Variants in NAV3 observed in about 807,000 individuals in gnomAD.
The protein encoded by NAV3 is neuron navigator 3.
Under a neutral mutation model 244.7 loss-of-function variants are expected in NAV3, and 87 were observed. The ratio of observed to expected loss-of-function variants is 0.36; its 90% CI spans 0.30 to 0.42. NAV3 has a LOEUF of 0.42. NAV3 is among the 20% of genes least tolerant of loss of function. The pLI is 1.00. For missense variants in NAV3, 2,663 were observed against 2,893.3 expected, an observed-to-expected ratio of 0.92 and a Z score of 1.83; for synonymous variants, 1,126 against 1,042.2, an observed-to-expected ratio of 1.08 and a Z score of -1.55.
intron 1 of NAV3, among the ~76,000 whole-genome samples, chr12:77,858,453 A>G (rs1470023412): frequency 6.6e-6 from 1 of 152,112 alleles, no homozygotes; most frequent in East Asian, 1.9e-4. Flanking sequence ...GCATATAACC[A>G]CCAACTTAAA....
intron 2 of NAV3, among the ~76,000 whole-genome samples, chr12:77,740,374 A>T (rs1050001327): frequency 2.0e-5 from 3 of 152,104 alleles, no homozygotes; most frequent in Admixed American, 6.6e-5. Flanking sequence ...TGCAACAGAG[A>T]AAAGGGCAAT....
At chr12:78,197,794 G>A (rs1364343769) in intron 35 of NAV3, among the ~76,000 whole-genome samples, 1 of 151,874 alleles carries the variant, frequency 6.6e-6, no homozygotes, top group Non-Finnish European at 1.5e-5. Flanking sequence ...GATGATGTTA[G>A]CTTCTGCAGA....
chr12:77,866,489 C>T (rs556343717), intron 1 of NAV3, among the ~76,000 whole-genome samples: 2 of 152,274 alleles, frequency 1.3e-5, no homozygotes, highest in Admixed American at 1.3e-4. Context: ...GATCCAGCCA[C>T]CAAACATTTC....
Position 78,007,014 on chromosome 12 carries a change from A to G in NAV3, c.1476A>G (p.Thr492=), listed in dbSNP as rs768411330. 1 of 1,614,172 alleles carries G rather than the reference A, an allele frequency of 6.2e-7. No homozygotes were observed. Among genetic ancestry groups the G allele is most frequent in the Non-Finnish European group, 8.5e-7 (1 of 1,180,026 alleles). The change falls in exon 8 of 40, where the codon ACA becomes ACG. Residue 492 remains threonine, a synonymous_variant. Transcript: ENST00000397909. ...TCAAAGAAGAGAAGGATCAGGTGAC[A>G]GAGATGGCTCCAAAAAAGACCTCCA... The part of the protein sequence containing the change: ...KPVKEEKDQV[T]EMAPKKTSKI...
At chr12:77,637,537 G>A (rs189303364) in intron 2 of NAV3, among the ~76,000 whole-genome samples, 35 of 152,142 alleles carry the variant, frequency 2.3e-4, no homozygotes, top group Admixed American at 7.2e-4. Context: ...TCCTAAACAC[G>A]TTATAAATAT....
Position 78,122,032 on chromosome 12 carries a change from C to T in NAV3, c.3842C>T (p.Thr1281Ile), listed in dbSNP as rs908759918. The T allele has an allele frequency of 6.2e-7, 1 of 1,614,220 alleles. No individual in the cohort carries two copies. The change falls in exon 16 of 40, where the codon ACA becomes ATA. Residue 1281 changes from threonine (T) to isoleucine (I), a missense_variant. Around this residue, in one of 6 missense-constraint regions of NAV3, gnomAD observed 354 missense variants for 413.0 expected, o/e 0.86. Coordinates refer to ENST00000397909, the MANE Select transcript of NAV3 (RefSeq NM_001024383.2). The stretch of plus-strand genomic sequence containing the variant: ...TCAGTAATGCCCAGCCCTAGTACCA[C>T]ATTAGCGCGGCAAGGCAGTCTGGAG... ...SSSVMPSPST[T>I]LARQGSLESP... is the part of the protein sequence containing the mutation.
intron 2 of NAV3, among the ~76,000 whole-genome samples, chr12:77,739,026 A>AT (rs1242458923): frequency 3.3e-5 from 5 of 150,536 alleles, no homozygotes; most frequent in African/African-American, 1.2e-4. Context: ...AAAAAAAAAA[A>AT]AAAAAAAAAA....
intron 2 of NAV3, among the ~76,000 whole-genome samples, chr12:77,740,461 A>C (rs1390253053): frequency 1.3e-5 from 2 of 152,120 alleles, no homozygotes; most frequent in Non-Finnish European, 2.9e-5. Flanking sequence ...CCATAGGAAA[A>C]AATGTGTGGT....
intron 2 of NAV3, among the ~76,000 whole-genome samples, chr12:77,820,649 T>C (rs1201479830): frequency 6.6e-6 from 1 of 152,126 alleles, no homozygotes; most frequent in African/African-American, 2.4e-5. Flanking sequence ...GTCTGGGCTA[T>C]TAAAAACATG....
chr12:77,650,997 T>C (rs565144012), intron 2 of NAV3, among the ~76,000 whole-genome samples: 139 of 152,092 alleles, frequency 9.1e-4, no homozygotes, highest in Non-Finnish European at 1.2e-3. Flanking sequence ...ATTTTAAATC[T>C]AGGTAAATTA....
chr12:77,990,803 C>T (rs1395822001), intron 5 of NAV3, among the ~76,000 whole-genome samples: 1 of 151,892 alleles, frequency 6.6e-6, no homozygotes, highest in East Asian at 1.9e-4. Flanking sequence ...TAGGTTTTCC[C>T]TTCATAATTT....
At chr12:77,930,258 T>A (rs1888650540) in intron 1 of NAV3, among the ~76,000 whole-genome samples, 1 of 152,160 alleles carries the variant, frequency 6.6e-6, no homozygotes. Flanking sequence ...ACACTATAAT[T>A]TTCAGTGAAA....
chr12:77,579,549 C>G (rs1455169364), intron 2 of NAV3, among the ~76,000 whole-genome samples: 1 of 152,170 alleles, frequency 6.6e-6, no homozygotes, highest in Admixed American at 6.5e-5. Flanking sequence ...TACAGCAGCA[C>G]CAACCCAACC....
chr12:78,023,179 A>C (rs746969701), intron 9 of NAV3, among the ~76,000 whole-genome samples: 11 of 152,224 alleles, frequency 7.2e-5, no homozygotes, highest in Non-Finnish European at 1.3e-4. Context: ...TCAAATCTTT[A>C]GGATAAATGA....
intron 2 of NAV3, among the ~76,000 whole-genome samples, chr12:77,701,303 A>T (rs1190446727): frequency 6.6e-6 from 1 of 151,960 alleles, no homozygotes; most frequent in Non-Finnish European, 1.5e-5. Context: ...GAATTTGATG[A>T]TGTAATCAAA....
At chr12:78,003,598 A>C (rs1873702345) in intron 7 of NAV3, among the ~76,000 whole-genome samples, 1 of 152,096 alleles carries the variant, frequency 6.6e-6, no homozygotes, top group South Asian at 2.1e-4. Flanking sequence ...GACTGATACC[A>C]CTCTTGGTAA....
intron 2 of NAV3, among the ~76,000 whole-genome samples, chr12:77,661,713 T>C (rs911740803): frequency 6.6e-6 from 1 of 152,104 alleles, no homozygotes; most frequent in Non-Finnish European, 1.5e-5. Flanking sequence ...TTGAAGTTCT[T>C]TTTTGGTACA....
chr12:77,907,981 A>C (rs925814592), intron 1 of NAV3, among the ~76,000 whole-genome samples: 2 of 152,130 alleles, frequency 1.3e-5, no homozygotes, highest in Non-Finnish European at 2.9e-5. Context: ...TGCATATTAA[A>C]CACAAAGTGA....
chr12:77,675,807 G>A (rs1874178790), intron 2 of NAV3, among the ~76,000 whole-genome samples: 1 of 152,130 alleles, frequency 6.6e-6, no homozygotes, highest in Non-Finnish European at 1.5e-5. Flanking sequence ...AGGGCCTCAG[G>A]CTTCTTCCTG....
Sources: allele counts gnomAD v4.1 joint callset (sites outside exome capture counted in the v4.1 genomes callset), GRCh38; gene constraint gnomAD v4.1.1; regional missense constraint gnomAD v4.1.1; transcripts MANE v1.5; gene names NCBI Gene and HGNC (gene_info 2026-07-23, HGNC 2026-07-21).